The following TLK1 variants were observed in gnomAD, a reference collection of about 807,000 sequenced individuals.
The protein encoded by TLK1 is tousled like kinase 1.
In TLK1, 24 loss-of-function variants were observed where a neutral mutation model predicts 105.3. The ratio of observed to expected loss-of-function variants is 0.23; its 90% CI spans 0.17 to 0.32. The LOEUF (loss-of-function observed/expected upper bound fraction) is 0.32, where lower values mean the gene tolerates loss of function less well. Ranked by LOEUF, TLK1 falls within the 10% of genes least tolerant of loss-of-function variation. The pLI is 1.00. For synonymous variants in TLK1, 321 were observed against 310.4 expected (o/e 1.03, Z -0.36); for missense variants, 558 against 910.5 (o/e 0.61, Z 4.98).
rs190204621 is a variant in TLK1 at position 171,001,083 on chromosome 2, C to T, written c.1905-3260G>A. ...GCCTCTGTCATAAATCCTGCAAAGT[C>T]ATATGCAACAACTGGACACGGTTTT... On this transcript the variant is annotated intron_variant, in intron 18 of 20. Coordinates refer to ENST00000431350, the MANE Select transcript of TLK1 (RefSeq NM_012290.5). Among the ~76,000 whole-genome samples, 3 of 152,326 alleles carry T rather than the reference C, an allele frequency of 2.0e-5. No homozygotes were observed. The East Asian group carries it at 5.8e-4, about 29-fold the overall frequency.
At chr2:171,227,873 A>G (rs1289187454) in intron 1 of TLK1, among the ~76,000 whole-genome samples, 1 of 152,082 alleles carries the variant, frequency 6.6e-6, no homozygotes, top group Non-Finnish European at 1.5e-5. Context: ...TCTTGTTAGT[A>G]TAGTTAAAAA....
upstream of TLK1, among the ~76,000 whole-genome samples, chr2:171,162,661 G>C (rs1031963393): frequency 2.6e-5 from 4 of 152,312 alleles, no homozygotes; most frequent in African/African-American, 7.2e-5. Flanking sequence ...TTTCCTCTTT[G>C]TGGTTCCTCC....
intron 1 of TLK1, among the ~76,000 whole-genome samples, chr2:171,216,092 C>G (rs553569168): frequency 3.9e-5 from 6 of 152,160 alleles, no homozygotes; most frequent in Non-Finnish European, 8.8e-5. Context: ...AATTAGTTAA[C>G]TTGCCCAAGG....
At chr2:171,131,884 G>A (rs1032456398) in intron 1 of TLK1, among the ~76,000 whole-genome samples, 2 of 151,246 alleles carry the variant, frequency 1.3e-5, no homozygotes, top group Non-Finnish European at 2.9e-5. Flanking sequence ...GGTAGCCCCT[G>A]GCATTCAAAG....
intron 1 of TLK1, among the ~76,000 whole-genome samples, chr2:171,223,260 C>A (rs1350171927): frequency 6.6e-6 from 1 of 152,186 alleles, no homozygotes; most frequent in African/African-American, 2.4e-5. Context: ...TTTACATTCC[C>A]ACCAACAGTG....
At chr2:171,074,724 AG>A (rs1364111393) in intron 3 of TLK1, among the ~76,000 whole-genome samples, 1 of 152,140 alleles carries the variant, frequency 6.6e-6, no homozygotes, top group African/African-American at 2.4e-5. Context: ...ACATACTAGC[AG>A]GAAGATAAAT....
chr2:171,021,842 G>A (rs1685524961), intron 12 of TLK1, among the ~76,000 whole-genome samples: 1 of 151,850 alleles, frequency 6.6e-6, no homozygotes, highest in Admixed American at 6.6e-5. Context: ...GCTCACGCCT[G>A]TAATCCCAGC....
At chr2:171,117,074 G>T (rs1364103682) in intron 2 of TLK1, among the ~76,000 whole-genome samples, 1 of 152,116 alleles carries the variant, frequency 6.6e-6, no homozygotes, top group Admixed American at 6.5e-5. Context: ...TGGCACCCAG[G>T]ATCAGTTTCA....
intron 1 of TLK1, among the ~76,000 whole-genome samples, chr2:171,202,393 G>A (rs769149972): frequency 6.6e-6 from 1 of 151,516 alleles, no homozygotes; most frequent in Non-Finnish European, 1.5e-5. Flanking sequence ...TGGAGGTTGC[G>A]GTGAGCCGGG....
At chr2:171,115,166 A>ATTTTTTTT (rs1158569803) in intron 2 of TLK1, among the ~76,000 whole-genome samples, 1 of 103,794 alleles carries the variant, frequency 9.6e-6, no homozygotes, top group African/African-American at 4.8e-5. Flanking sequence ...TCTTTTAAGA[A>ATTTTTTTT]TTTCTTTCTT....
intron 2 of TLK1, among the ~76,000 whole-genome samples, chr2:171,086,927 A>G (rs1322274359): frequency 6.6e-6 from 1 of 152,174 alleles, no homozygotes; most frequent in Non-Finnish European, 1.5e-5. Context: ...CTGGTCAGTG[A>G]TCTATGCAAA....
intron 10 of TLK1, among the ~76,000 whole-genome samples, chr2:171,049,564 G>C (rs560437603): frequency 6.6e-6 from 1 of 152,098 alleles, no homozygotes; most frequent in Admixed American, 6.5e-5. Context: ...TAAAGCTAAA[G>C]GTTCAATTAA....
intron 11 of TLK1, among the ~76,000 whole-genome samples, chr2:171,031,620 ATTT>A (rs1028006225): frequency 6.6e-5 from 10 of 152,282 alleles, no homozygotes; most frequent in African/African-American, 1.9e-4. Flanking sequence ...ACAATGTATT[ATTT>A]TTATTATGCA....
intron 2 of TLK1, among the ~76,000 whole-genome samples, chr2:171,096,484 C>T (rs192037154): frequency 7.2e-5 from 11 of 151,972 alleles, no homozygotes; most frequent in African/African-American, 1.9e-4. Context: ...AGCCCAGGCA[C>T]GGTAGCTCAT....
At position 171,093,168 on chromosome 2, in the gene TLK1, TAAC is replaced by T. The variant is rs1297671015; in HGVS notation, c.259-10319_259-10317del. ...TTTCATTCCCCCAAAATTGAGGACA[TAAC>T]TAAAGAGTAGACACAGAGCTAAGTG... On this transcript the variant is annotated intron_variant, in intron 2 of 20. Coordinates refer to ENST00000431350, the MANE Select transcript of TLK1 (RefSeq NM_012290.5). Among the ~76,000 whole-genome samples, 3 of 152,320 alleles carry T rather than the reference TAAC, an allele frequency of 2.0e-5. No individual in the cohort carries two copies. In the East Asian group the frequency reaches 5.8e-4, roughly 29 times the overall value.
intron 1 of TLK1, among the ~76,000 whole-genome samples, chr2:171,132,205 G>T (rs1020953892): frequency 6.6e-6 from 1 of 152,178 alleles, no homozygotes; most frequent in African/African-American, 2.4e-5. Context: ...AGCAGCAGAA[G>T]AATGAGTGCA....
In TLK1 at chr2:171,101,346, C is replaced by CA. The variant is rs71401403; in HGVS notation, c.258+16392dup. 0.031 allele frequency among the ~76,000 whole-genome samples: 1,958 copies of CA among 63,216 alleles called. 141 individuals are homozygous for CA. In the East Asian group the frequency reaches 0.35, roughly 11 times the overall value. 41.5% of individuals were successfully genotyped at this position (63,216 alleles called of 152,430 possible). On this transcript the variant is annotated intron_variant, in intron 2 of 20. Transcript: ENST00000431350. ...GGACAACAAGAGTGAAACTCCGTCTCAAAAAAAAAAAAAAAAAAAGCCAGG... is the reference window on the plus strand; with the variant it reads ...GGACAACAAGAGTGAAACTCCGTCTCAAAAAAAAAAAAAAAAAAAAGCCAGG...
chr2:171,115,694 A>G (rs1190470118), intron 2 of TLK1, among the ~76,000 whole-genome samples: 1 of 152,226 alleles, frequency 6.6e-6, no homozygotes, highest in Non-Finnish European at 1.5e-5. Flanking sequence ...GATATTGACT[A>G]TATGTAAAAT....
At chr2:171,219,363 G>A (rs187654737) in intron 1 of TLK1, among the ~76,000 whole-genome samples, 6 of 152,064 alleles carry the variant, frequency 3.9e-5, no homozygotes, top group Non-Finnish European at 5.9e-5. Context: ...TGTGTGAATC[G>A]AGTCTCCCTC....
Sources: allele counts gnomAD v4.1 joint callset (sites outside exome capture counted in the v4.1 genomes callset), GRCh38; gene constraint gnomAD v4.1.1; transcripts MANE v1.5; gene names NCBI Gene and HGNC (gene_info 2026-07-23, HGNC 2026-07-21).